The following CDCP2 variants were observed in gnomAD, a reference collection of about 807,000 sequenced individuals.
The protein encoded by CDCP2 is CUB domain-containing protein 2.
CDCP2 carries 31 observed loss-of-function variants against 31.0 expected under a neutral mutation model. The ratio of observed to expected loss-of-function variants is 1.00; its 90% CI spans 0.75 to 1.35. The LOEUF is 1.35. Ranked by LOEUF, CDCP2 falls within the 40% of genes most tolerant of loss-of-function variation. The probability of loss-of-function intolerance (pLI) is 0.00; values close to 1 mark genes in which losing one functional copy is unlikely to be tolerated. For missense variants in CDCP2, 443 were observed against 482.6 expected (o/e 0.92, Z 0.77); for synonymous variants, 206 against 207.9 (o/e 0.99, Z 0.08).
intron 1 of CDCP2, among the ~76,000 whole-genome samples, chr1:54,148,982 T>TATATATA (rs1461206667): frequency 1.4e-5 from 2 of 147,156 alleles, no homozygotes; most frequent in African/African-American, 5.0e-5. Context: ...AAAATATATA[T>TATATATA]ATATATAATA....
At chr1:54,139,449 A>G in intron 4 of CDCP2, 1 of 1,230,334 alleles carries the variant, frequency 8.1e-7, no homozygotes, top group Non-Finnish European at 1.1e-6. Context: ...ACAGGGGACC[A>G]ATAACAACAC....
chr1:54,139,643 C>T, intron 4 of CDCP2, 110 bp downstream of exon 4: 2 of 1,461,064 alleles, frequency 1.4e-6, no homozygotes, highest in Non-Finnish European at 1.8e-6. Context: ...GAAGACCATT[C>T]ATGGGGGGGG....
chr1:54,133,945 T>A (rs1659215096), intron 5 of CDCP2, among the ~76,000 whole-genome samples: 1 of 77,162 alleles, frequency 1.3e-5, no homozygotes, highest in Non-Finnish European at 3.1e-5. Context: ...AGGAGGAAAC[T>A]AAGGCCCCGA....
At chr1:54,147,075 CAAAAAAAAAAAAAAAAA>C (rs71066904) in intron 1 of CDCP2, among the ~76,000 whole-genome samples, 3 of 56,872 alleles carry the variant, frequency 5.3e-5, no homozygotes, top group Admixed American at 3.1e-4. Flanking sequence ...GACTCCATCT[CAAAAAAAAAAAAAAAAA>C]AAAAAAAAAA....
intron 2 of CDCP2, chr1:54,142,952 A>C (rs1349047471): frequency 6.6e-6 from 1 of 152,248 alleles, no homozygotes; most frequent in Non-Finnish European, 1.5e-5. Flanking sequence ...AGATATTAAA[A>C]TTTAAATATT....
chr1:54,141,237 C>A lies in CDCP2; in HGVS notation c.624G>T (p.Gly208=), dbSNP rs557423915. ...AGTGGTGCCCACGGGTGGGGCCAGG[C>A]CCCCCAAGCACAGCCACGTAGTCAT... Residue 208 remains glycine, a synonymous_variant, in exon 3 of 6, where the codon GGG becomes GGT. Transcript: ENST00000530059. 20 of 1,613,474 alleles carry A rather than the reference C, an allele frequency of 1.2e-5. No individual in the cohort carries two copies. In the Admixed American group the frequency reaches 1.3e-4, roughly 11 times the overall value.
intron 2 of CDCP2, chr1:54,141,784 T>C (rs1347743360): frequency 5.1e-6 from 1 of 194,490 alleles, no homozygotes; most frequent in African/African-American, 2.3e-5. Context: ...AGGAGTTTAC[T>C]TGGGAGATCC....
exon 6 of CDCP2, chr1:54,133,035 A>C: frequency 2.5e-6 from 1 of 399,102 alleles, no homozygotes; most frequent in African/African-American, 2.1e-5. Flanking sequence ...AAGGCCCAGG[A>C]AGACGATGTC....
intron 1 of CDCP2, among the ~76,000 whole-genome samples, chr1:54,145,959 T>G (rs1274287534): frequency 6.6e-6 from 1 of 152,184 alleles, no homozygotes; most frequent in Non-Finnish European, 1.5e-5. Context: ...GGAAAAATGA[T>G]TTCAAATGAC....
At chr1:54,141,722 T>C in intron 2 of CDCP2, 1 of 295,234 alleles carries the variant, frequency 3.4e-6, no homozygotes, top group Non-Finnish European at 6.3e-6. Flanking sequence ...TTCAGTAGCT[T>C]ACTTGAGTTT....
intron 4 of CDCP2, chr1:54,138,412 C>G (rs1178120077): frequency 2.0e-5 from 3 of 152,314 alleles, no homozygotes; most frequent in Non-Finnish European, 4.4e-5. Flanking sequence ...AGGGGCTGGC[C>G]TGCCCAAGTT....
chr1:54,152,857 G>A, exon 1 of CDCP2: 1 of 1,614,148 alleles, frequency 6.2e-7, no homozygotes, highest in Non-Finnish European at 8.5e-7. Context: ...CCATGGCTTG[G>A]GCCTGGAGCC....
chr1:54,134,772 G>C (rs891634248), intron 5 of CDCP2, among the ~76,000 whole-genome samples: 6 of 151,238 alleles, frequency 4.0e-5, no homozygotes, highest in Non-Finnish European at 5.9e-5. Flanking sequence ...GTCTTGCTCT[G>C]TTGCCCAGGC....
intron 4 of CDCP2, among the ~76,000 whole-genome samples, chr1:54,137,383 C>T (rs902501976): frequency 3.9e-5 from 6 of 152,026 alleles, no homozygotes; most frequent in Middle Eastern, 3.2e-3. Flanking sequence ...TAGAGCGAAT[C>T]GGAACTGGGG....
chr1:54,143,763 G>A (rs978365422), intron 2 of CDCP2: 8 of 152,248 alleles, frequency 5.3e-5, no homozygotes, highest in Non-Finnish European at 1.2e-4. Flanking sequence ...CTGGCATTGG[G>A]AGGAAGCAGG....
At chr1:54,152,424 A>G (rs1659599915) in intron 1 of CDCP2, among the ~76,000 whole-genome samples, 1 of 151,424 alleles carries the variant, frequency 6.6e-6, no homozygotes, top group African/African-American at 2.4e-5. Flanking sequence ...AAATAGGGCC[A>G]CTGCACTCCA....
At chr1:54,139,374 C>T (rs1466180670) in intron 4 of CDCP2, 4 of 647,182 alleles carry the variant, frequency 6.2e-6, no homozygotes, top group Non-Finnish European at 5.4e-6. Flanking sequence ...GGTAGACATC[C>T]CCACAGTTAT....
At position 54,135,441 on chromosome 1, in the gene CDCP2, G is replaced by C. The variant is rs574027012; in HGVS notation, c.1296+1189C>G. ...TATAAGGGTTACACTAATAATCCAT[G>C]AATCAAAGGTTTTCTGATTTTATGT... On this transcript the variant is annotated intron_variant, in intron 5 of 5. Transcript: ENST00000530059. 4.6e-5 allele frequency among the ~76,000 whole-genome samples: 7 copies of C among 152,298 alleles called. No homozygotes were observed. In the South Asian group the frequency reaches 1.5e-3, roughly 32 times the overall value.
At chr1:54,151,232 C>T (rs939246939) in intron 1 of CDCP2, among the ~76,000 whole-genome samples, 7 of 152,186 alleles carry the variant, frequency 4.6e-5, no homozygotes, top group Non-Finnish European at 8.8e-5. Flanking sequence ...TGGTGCCTCC[C>T]TTGCTGGGTG....
Sources: gnomAD v4.1 joint callset for allele counts (sites outside exome capture counted in the v4.1 genomes callset) on GRCh38, gnomAD v4.1.1 for gene constraint, MANE v1.5 for transcripts, NCBI Gene and HGNC (gene_info 2026-07-23, HGNC 2026-07-21) for gene names.